SNTG2: variants seen among roughly 807,000 people sequenced by gnomAD.
The protein encoded by SNTG2 is syntrophin gamma 2, also known as gamma-2-syntrophin.
In SNTG2, 74 loss-of-function variants were observed where a neutral mutation model predicts 70.9. That is an observed-to-expected ratio of 1.04 (90% confidence interval 0.86 to 1.27). The LOEUF is 1.27. SNTG2 is among the 50% of genes most tolerant of loss of function. The pLI, the probability that SNTG2 is intolerant of heterozygous loss-of-function variation, is 0.00. For missense variants in SNTG2, 717 were observed against 690.7 expected (o/e 1.04, Z -0.43); for synonymous variants, 278 against 273.8 (o/e 1.02, Z -0.15).
chr2:1,048,176 A>G (rs1661849217), intron 1 of SNTG2, among the ~76,000 whole-genome samples: 1 of 152,162 alleles, frequency 6.6e-6, no homozygotes, highest in Non-Finnish European at 1.5e-5. Context: ...GTTTCTACAA[A>G]ATGCCTACTT....
intron 6 of SNTG2, among the ~76,000 whole-genome samples, chr2:1,154,138 A>T (rs1669696455): frequency 6.6e-6 from 1 of 151,588 alleles, no homozygotes; most frequent in South Asian, 2.1e-4. Flanking sequence ...AGGAAGCTTG[A>T]TGGGAGCACA....
intron 14 of SNTG2, among the ~76,000 whole-genome samples, chr2:1,295,219 G>A (rs1347528335): frequency 5.9e-5 from 9 of 152,232 alleles, no homozygotes; most frequent in Admixed American, 3.3e-4. Context: ...AGACTGAAGC[G>A]GCCACATGCT....
At chr2:1,244,177 T>C (rs1296265101) in intron 11 of SNTG2, among the ~76,000 whole-genome samples, 1 of 152,186 alleles carries the variant, frequency 6.6e-6, no homozygotes, top group Non-Finnish European at 1.5e-5. Context: ...TCATCAGAAC[T>C]AGTATTTGTT....
At chr2:1,319,754 G>A (rs1467654159) in intron 16 of SNTG2, among the ~76,000 whole-genome samples, 1 of 152,212 alleles carries the variant, frequency 6.6e-6, no homozygotes, top group Non-Finnish European at 1.5e-5. Context: ...CATGGGTGAT[G>A]GGTGACCGTG....
intron 9 of SNTG2, among the ~76,000 whole-genome samples, chr2:1,212,440 A>G (rs1277128351): frequency 1.3e-5 from 2 of 152,140 alleles, no homozygotes; most frequent in African/African-American, 4.8e-5. Context: ...TAAATTACCC[A>G]TTCTCAGGTA....
In SNTG2 at chr2:1,316,144, T is replaced by C. The variant is rs1482238218; in HGVS notation, c.1378-121T>C. 103 of 581,756 alleles carry C rather than the reference T, an allele frequency of 1.8e-4. No homozygotes were observed. In the East Asian group the frequency reaches 3.0e-3, roughly 17 times the overall value. 36.0% of individuals were successfully genotyped at this position (581,756 alleles called of 1,614,324 possible). A position where few individuals can be genotyped will look rare whatever the true frequency, so the allele number is the denominator to read the frequency against. On this transcript the variant is annotated intron_variant, in intron 15 of 16. Coordinates refer to ENST00000308624, the MANE Select transcript of SNTG2 (RefSeq NM_018968.4). The stretch of plus-strand genomic sequence containing the variant: ...CAGACAAATCATCACATGCTAAACG[T>C]CGATTTAAACATTAAGTGAATGTCT...
intron 4 of SNTG2, among the ~76,000 whole-genome samples, chr2:1,125,478 C>T (rs998890314): frequency 3.9e-5 from 6 of 152,030 alleles, no homozygotes; most frequent in African/African-American, 1.4e-4. Context: ...TATTTGTATC[C>T]TTAGGTTTGA....
chr2:978,245 G>C (rs1279680968), intron 1 of SNTG2, among the ~76,000 whole-genome samples: 1 of 152,192 alleles, frequency 6.6e-6, no homozygotes, highest in Non-Finnish European at 1.5e-5. Context: ...TGGGGAGTTG[G>C]GGTGTCTGTT....
At chr2:1,066,636 CT>C (rs1182795472) in intron 1 of SNTG2, among the ~76,000 whole-genome samples, 1 of 152,012 alleles carries the variant, frequency 6.6e-6, no homozygotes, top group East Asian at 1.9e-4. Flanking sequence ...ATAAAATCCA[CT>C]TTTTGTCACA....
At chr2:1,328,438 C>T (rs372058168) in intron 16 of SNTG2, among the ~76,000 whole-genome samples, 1 of 152,236 alleles carries the variant, frequency 6.6e-6, no homozygotes, top group South Asian at 2.1e-4. Context: ...TCTGGGGCTC[C>T]GTGAGGAAAA....
chr2:1,341,947 G>C (rs1441397558), intron 16 of SNTG2, among the ~76,000 whole-genome samples: 5 of 151,014 alleles, frequency 3.3e-5, no homozygotes, highest in African/African-American at 1.2e-4. Flanking sequence ...CTGGGCTCAA[G>C]CCATCCTCCT....
chr2:1,324,661 C>T (rs959796092), intron 16 of SNTG2, among the ~76,000 whole-genome samples: 1 of 152,156 alleles, frequency 6.6e-6, no homozygotes, highest in East Asian at 1.9e-4. Context: ...TTTTCTCTCT[C>T]CAGTCCCCCA....
chr2:1,292,334 CTTGT>C (rs1680027919), intron 14 of SNTG2, among the ~76,000 whole-genome samples: 2 of 151,864 alleles, frequency 1.3e-5, no homozygotes, highest in African/African-American at 2.4e-5. Flanking sequence ...ATTTGGTTGA[CTTGT>C]TTGTTTTTCT....
At chr2:1,313,839 A>G (rs1334971565) in intron 15 of SNTG2, among the ~76,000 whole-genome samples, 1 of 152,176 alleles carries the variant, frequency 6.6e-6, no homozygotes, top group Non-Finnish European at 1.5e-5. Context: ...TCACCCAGAC[A>G]AGAGCTAGAT....
intron 15 of SNTG2, among the ~76,000 whole-genome samples, chr2:1,315,274 A>G (rs1553277906): frequency 6.6e-6 from 1 of 152,224 alleles, no homozygotes; most frequent in Non-Finnish European, 1.5e-5. Context: ...CCTGGATTTA[A>G]TATAAAGAAA....
At position 1,083,511 on chromosome 2, in the gene SNTG2, C is replaced by A; in HGVS notation, c.73-7C>A. 6.2e-7 allele frequency: 1 copy of A among 1,613,362 alleles called. No individual in the cohort carries two copies. The highest frequency in any genetic ancestry group is 8.5e-7 in the Non-Finnish European group (1 of 1,179,526). The stretch of plus-strand genomic sequence containing the variant: ...CATTTTTTTGTGTTTCCACTTTGTC[C>A]CTACAGACGAAAACCACTATTGCTC... On this transcript the variant is annotated splice_polypyrimidine_tract_variant and splice_region_variant and intron_variant, in intron 1 of 16. Coordinates refer to ENST00000308624, the MANE Select transcript of SNTG2 (RefSeq NM_018968.4).
intron 16 of SNTG2, among the ~76,000 whole-genome samples, chr2:1,350,029 TTTAAA>T (rs1263668719): frequency 1.3e-5 from 2 of 152,196 alleles, no homozygotes; most frequent in Admixed American, 6.5e-5. Flanking sequence ...TTTTAATGTT[TTTAAA>T]TTAAAATTTT....
intron 1 of SNTG2, among the ~76,000 whole-genome samples, chr2:956,617 C>T (rs1188722510): frequency 6.6e-6 from 1 of 152,184 alleles, no homozygotes; most frequent in Admixed American, 6.5e-5. Context: ...GGGCCCATCT[C>T]GGTCGGGCGT....
At chr2:1,074,466 G>T (rs926835745) in intron 1 of SNTG2, among the ~76,000 whole-genome samples, 39 of 152,284 alleles carry the variant, frequency 2.6e-4, no homozygotes, top group African/African-American at 9.4e-4. Flanking sequence ...AAAACAGGTA[G>T]AATAAACAGT....
Sources: gnomAD v4.1 joint callset for allele counts (sites outside exome capture counted in the v4.1 genomes callset) on GRCh38, gnomAD v4.1.1 for gene constraint, MANE v1.5 for transcripts, NCBI Gene and HGNC (gene_info 2026-07-23, HGNC 2026-07-21) for gene names.